The following CSMD3 variants were observed in gnomAD, a reference collection of about 807,000 sequenced individuals.
The protein encoded by CSMD3 is CUB and sushi domain-containing protein 3.
A neutral mutation model predicts 435.2 loss-of-function variants in CSMD3; 177 were observed. The ratio of observed to expected loss-of-function variants is 0.41; its 90% CI spans 0.36 to 0.46. The LOEUF (loss-of-function observed/expected upper bound fraction) is 0.46. Ranked by LOEUF, CSMD3 falls within the 20% of genes least tolerant of loss-of-function variation. The pLI is 0.34. For missense variants in CSMD3, 4,265 were observed against 4,504.6 expected, an observed-to-expected ratio of 0.95 and a Z score of 1.52; for synonymous variants, 1,656 against 1,520.5, an observed-to-expected ratio of 1.09 and a Z score of -2.07.
At chr8:112,534,201 C>CA (rs1312440743) in intron 27 of CSMD3, among the ~76,000 whole-genome samples, 1 of 151,810 alleles carries the variant, frequency 6.6e-6, no homozygotes, top group African/African-American at 2.4e-5. Context: ...AATAGAGACA[C>CA]AAAAAAGTCT....
rs187773055 is a variant in CSMD3, at chr8:113,241,209, A to G, written c.514+37383T>C. 1.3e-3 allele frequency among the ~76,000 whole-genome samples: 204 copies of G among 152,256 alleles called. 1 individual carries two copies. Among genetic ancestry groups the G allele is most frequent in the Non-Finnish European group, 1.0e-4 (7 of 67,968 alleles). On this transcript the variant is annotated intron_variant, in intron 3 of 70. Coordinates refer to ENST00000297405, the MANE Select transcript of CSMD3 (RefSeq NM_198123.2). ...TCAAATAAGAATAACAAGAAGAAAA[A>G]TTATGGGGACTATGTTCATCCTCTG... is the stretch of plus-strand genomic sequence containing the variant.
At chr8:112,535,709 G>A (rs549074278) in intron 27 of CSMD3, among the ~76,000 whole-genome samples, 86 of 152,190 alleles carry the variant, frequency 5.7e-4, no homozygotes, top group Non-Finnish European at 8.2e-4. Context: ...AGCCCGCATC[G>A]CCAAGTCGAT....
At chr8:112,557,086 T>C (rs1279723220) in intron 24 of CSMD3, 132 bp from the exon 25 acceptor site, 1 of 630,400 alleles carries the variant, frequency 1.6e-6, no homozygotes, top group Non-Finnish European at 2.8e-6. Flanking sequence ...TTACCATATT[T>C]AATTTTCGTA....
intron 1 of CSMD3, among the ~76,000 whole-genome samples, chr8:113,397,648 C>T (rs993429183): frequency 6.6e-6 from 1 of 151,612 alleles, no homozygotes; most frequent in Non-Finnish European, 1.5e-5. Context: ...AACCCCGTCT[C>T]TAGTAAAAAT....
intron 3 of CSMD3, among the ~76,000 whole-genome samples, chr8:113,252,151 T>C (rs2093340082): frequency 1.3e-5 from 2 of 152,150 alleles, no homozygotes; most frequent in African/African-American, 4.8e-5. Flanking sequence ...TTCTACTATT[T>C]ATGAATCTTT....
In CSMD3 at chr8:112,247,648, AG is replaced by A. The variant is rs1188992712; in HGVS notation, c.10111-518del. 3.3e-5 allele frequency among the ~76,000 whole-genome samples: 5 copies of A among 152,246 alleles called. No homozygotes were observed. In the East Asian group the frequency reaches 9.7e-4, roughly 29 times the overall value. On this transcript the variant is annotated intron_variant, in intron 63 of 70. Transcript: ENST00000297405. ...CAATGGAAGATATACTGTTTGTACTAGCTTTTAAGGGTATAGTAATTAGGAG... is the reference window on the plus strand; with the variant it reads ...CAATGGAAGATATACTGTTTGTACTACTTTTAAGGGTATAGTAATTAGGAG...
intron 28 of CSMD3, among the ~76,000 whole-genome samples, chr8:112,508,100 G>T (rs1463725114): frequency 2.0e-5 from 3 of 151,952 alleles, no homozygotes; most frequent in African/African-American, 7.3e-5. Context: ...CCGTCAACCT[G>T]GTCACATAAT....
rs149077281 is a variant in CSMD3, at chr8:112,241,745, C to A, written c.10443G>T (p.Leu3481=). 1,317 of 1,612,644 alleles carry A rather than the reference C, an allele frequency of 8.2e-4. 3 individuals are homozygous for A. The highest frequency in any genetic ancestry group is 1.3e-3 in the Admixed American group (77 of 59,948). ...KILVKDPRPA[L]GTPSPKLSVP... is the part of the protein sequence containing the mutation. ...CACTTAGCTTTGGGCTGGGTGTTCC[C>A]AGTGCAGGTCTAGGATCTTTCACCA... The change falls in exon 66 of 71, where the codon CTG becomes CTT. Residue 3481 remains leucine, a synonymous_variant. Coordinates refer to ENST00000297405, the MANE Select transcript of CSMD3 (RefSeq NM_198123.2).
intron 27 of CSMD3, among the ~76,000 whole-genome samples, chr8:112,542,843 T>G (rs1586644750): frequency 6.6e-6 from 1 of 152,112 alleles, no homozygotes; most frequent in Admixed American, 6.6e-5. Flanking sequence ...TAATCAAAAC[T>G]GTATGGTACT....
chr8:112,500,247 G>A (rs1249405049), intron 30 of CSMD3, among the ~76,000 whole-genome samples: 6 of 152,076 alleles, frequency 3.9e-5, no homozygotes, highest in Non-Finnish European at 8.8e-5. Context: ...AAAATATGCA[G>A]CAGCAAATAA....
intron 4 of CSMD3, among the ~76,000 whole-genome samples, chr8:113,130,589 C>A (rs1304517643): frequency 6.6e-6 from 1 of 152,094 alleles, no homozygotes; most frequent in African/African-American, 2.4e-5. Context: ...CATAAATTAT[C>A]CAGTCTCAGG....
intron 3 of CSMD3, among the ~76,000 whole-genome samples, chr8:113,203,660 A>G (rs2092738190): frequency 2.0e-5 from 3 of 152,068 alleles, no homozygotes; most frequent in Admixed American, 6.6e-5. Flanking sequence ...TAGTTCTTAA[A>G]TTCAAACCTT....
intron 27 of CSMD3, 60 bp from the exon 28 acceptor site, chr8:112,517,285 T>G: frequency 1.6e-6 from 2 of 1,216,358 alleles, no homozygotes; most frequent in Non-Finnish European, 2.4e-6. Flanking sequence ...ATTTCATATA[T>G]CCCTGTGTTT....
At chr8:113,185,841 C>T (rs1564403905) in intron 3 of CSMD3, among the ~76,000 whole-genome samples, 1 of 152,060 alleles carries the variant, frequency 6.6e-6, no homozygotes, top group South Asian at 2.1e-4. Context: ...AAAACCCAGT[C>T]CATAATCAGT....
intron 32 of CSMD3, among the ~76,000 whole-genome samples, chr8:112,415,875 A>T (rs1811858248): frequency 6.6e-6 from 1 of 152,164 alleles, no homozygotes; most frequent in African/African-American, 2.4e-5. Flanking sequence ...AATTTCTCTC[A>T]TTTGGAACTG....
intron 11 of CSMD3, among the ~76,000 whole-genome samples, chr8:112,841,339 AG>A (rs1443969542): frequency 6.6e-6 from 1 of 151,760 alleles, no homozygotes. Context: ...ATCCTTTATG[AG>A]GACTACTCAC....
chr8:112,527,121 A>T (rs576860292), intron 27 of CSMD3, among the ~76,000 whole-genome samples: 21 of 152,108 alleles, frequency 1.4e-4, no homozygotes, highest in Admixed American at 5.9e-4. Context: ...TATATTAAAT[A>T]TAAGTAGTCT....
At chr8:112,834,115 C>T (rs190399872) in intron 11 of CSMD3, among the ~76,000 whole-genome samples, 1 of 151,990 alleles carries the variant, frequency 6.6e-6, no homozygotes, top group African/African-American at 2.4e-5. Context: ...GTAACTGAGA[C>T]TCATGCATGT....
At chr8:112,296,103 T>C in intron 53 of CSMD3, 97 bp from the exon 54 acceptor site, 1 of 970,724 alleles carries the variant, frequency 1.0e-6, no homozygotes, top group Non-Finnish European at 1.6e-6. Flanking sequence ...TAAAGTTGTC[T>C]TAAAAGCAAG....
Sources: allele counts gnomAD v4.1 joint callset (sites outside exome capture counted in the v4.1 genomes callset), GRCh38; gene constraint gnomAD v4.1.1; transcripts MANE v1.5; gene names NCBI Gene and HGNC (gene_info 2026-07-23, HGNC 2026-07-21).